UTP25: variants seen among roughly 807,000 people sequenced by gnomAD.
UTP25 encodes UTP25 small subunit processome component, also known as U3 small nucleolar RNA-associated protein 25 homolog.
A neutral mutation model predicts 78.9 loss-of-function variants in UTP25; 50 were observed. The ratio of observed to expected loss-of-function variants is 0.63; its 90% CI spans 0.50 to 0.80. The LOEUF (loss-of-function observed/expected upper bound fraction) is 0.80, where lower values mean the gene tolerates loss of function less well. Ranked by LOEUF, UTP25 falls within the 30% of genes least tolerant of loss-of-function variation. The pLI, the probability that UTP25 is intolerant of heterozygous loss-of-function variation, is 0.00. For missense variants in UTP25, 846 were observed against 911.3 expected, an observed-to-expected ratio of 0.93 and a Z score of 0.92; for synonymous variants, 329 against 336.5, an observed-to-expected ratio of 0.98 and a Z score of 0.24.
intron 11 of UTP25, 191 bp downstream of exon 11, chr1:209,843,887 TG>T (rs2078181455): frequency 4.3e-6 from 3 of 700,892 alleles, no homozygotes; most frequent in Non-Finnish European, 4.6e-6. Context: ...TCTCCCAAAA[TG>T]GGCATTGCTG....
Position 209,857,524 on chromosome 1 carries a change from G to T in UTP25, c.*6077G>T, listed in dbSNP as rs1315355775. ...ATAATAACCAACAATGTGTGTGTAT[G>T]TATATATATGCTTTTGCATTAAAAG... On this transcript the variant is annotated 3_prime_UTR_variant, in exon 12 of 12. Transcript: ENST00000491415. 1 of 152,114 alleles carries T rather than the reference G, an allele frequency of 6.6e-6. No homozygotes were observed. Among genetic ancestry groups the T allele is most frequent in the African/African-American group, 2.4e-5 (1 of 41,396 alleles). 9.4% of individuals were successfully genotyped at this position (152,114 alleles called of 1,614,324 possible).
chr1:209,853,684 A>G lies in UTP25; in HGVS notation c.*2237A>G, dbSNP rs1485186587. On this transcript the variant is annotated 3_prime_UTR_variant, in exon 12 of 12. Transcript: ENST00000491415. ...ATTACCTACATCTTTTTCTACTGCC[A>G]TATTCTTTTGCCTGTGAATTGTAGT... 6.6e-6 allele frequency: 1 copy of G among 152,134 alleles called. No individual in the cohort carries two copies. Among genetic ancestry groups the G allele is most frequent in the Non-Finnish European group, 1.5e-5 (1 of 68,040 alleles). The allele number at this position is 152,134 out of a possible 1,614,324, so 9.4% of individuals were successfully genotyped here. A position where few individuals can be genotyped will look rare whatever the true frequency, so the allele number is the denominator to read the frequency against.
intron 10 of UTP25, 44 bp downstream of exon 10, chr1:209,842,739 G>A (rs535114691): frequency 2.1e-6 from 3 of 1,452,046 alleles, no homozygotes; most frequent in African/African-American, 1.4e-5. Flanking sequence ...CACATAGAGA[G>A]ATTTGACTTG....
At chr1:209,830,700 T>A in intron 2 of UTP25, 103 bp from the exon 3 acceptor site, 1 of 1,468,572 alleles carries the variant, frequency 6.8e-7, no homozygotes, top group Non-Finnish European at 9.0e-7. Flanking sequence ...TTAAGTAAAT[T>A]TGAATTTGGG....
chr1:209,843,547 T>G lies in UTP25; in HGVS notation c.1878T>G (p.Arg626=). The G allele has an allele frequency of 6.2e-7, 1 of 1,614,198 alleles. No individual in the cohort carries two copies. Among genetic ancestry groups the G allele is most frequent in the Non-Finnish European group, 8.5e-7 (1 of 1,180,012 alleles). Residue 626 remains arginine, a synonymous_variant, in exon 11 of 12, where the codon CGT becomes CGG. Coordinates refer to ENST00000491415, the MANE Select transcript of UTP25 (RefSeq NM_014388.7). ...TCCCCTCCTACTTTGACTTCGTGCG[T>G]CTTCGAAATTACTTCAAGAAGGAGG... ...IYIPSYFDFV[R]LRNYFKKEEL...
intron 7 of UTP25, among the ~76,000 whole-genome samples, 172 bp downstream of exon 7, chr1:209,839,300 G>C (rs2102574507): frequency 6.6e-6 from 1 of 152,332 alleles, no homozygotes; most frequent in Middle Eastern, 3.4e-3. Flanking sequence ...CTTGGCTAAT[G>C]GGGTGGACAT....
Position 209,830,979 on chromosome 1 carries a change from A to G in UTP25, c.324A>G (p.Glu108=). The G allele has an allele frequency of 3.1e-6, 5 of 1,614,136 alleles. No homozygotes were observed. The highest frequency in any genetic ancestry group is 1.1e-5 in the South Asian group (1 of 91,078). The change falls in exon 3 of 12, where the codon GAA becomes GAG. Residue 108 remains glutamate (E), a synonymous_variant. Coordinates refer to ENST00000491415, the MANE Select transcript of UTP25 (RefSeq NM_014388.7). ...SIVDDAEMND[E]DGGSDVSVEE... ...TAGATGATGCAGAAATGAACGATGA[A>G]GATGGTGGTAGCGATGTCAGTGTGG... is the stretch of plus-strand genomic sequence containing the variant.
At chr1:209,837,360 T>TATTA in intron 6 of UTP25, 149 bp downstream of exon 6, 1 of 947,728 alleles carries the variant, frequency 1.1e-6, no homozygotes, top group African/African-American at 1.7e-5. Flanking sequence ...GTAGGCCAGG[T>TATTA]AGTGTCAGAG....
chr1:209,854,771 G>A lies in UTP25; in HGVS notation c.*3324G>A, dbSNP rs529831830. On this transcript the variant is annotated 3_prime_UTR_variant, in exon 12 of 12. Coordinates refer to ENST00000491415, the MANE Select transcript of UTP25 (RefSeq NM_014388.7). ...AAGAGCCTCATTGTCCAACTGCAGG[G>A]GCCTGAGGTGCCCAAAGCTTCGTGG... 2 of 152,378 alleles carry A rather than the reference G, an allele frequency of 1.3e-5. No individual in the cohort carries two copies. The highest frequency in any genetic ancestry group is 2.1e-4 in the South Asian group (1 of 4,826). The allele number at this position is 152,378 out of a possible 1,614,324, so 9.4% of individuals were successfully genotyped here.
At chr1:209,841,437 T>A (rs73093853) in intron 8 of UTP25, among the ~76,000 whole-genome samples, 2 of 152,148 alleles carry the variant, frequency 1.3e-5, no homozygotes, top group Non-Finnish European at 2.9e-5. Context: ...TTGCTTATGC[T>A]GTTTTGTTTG....
chr1:209,831,047 A>C lies in UTP25; in HGVS notation c.388+4A>C. 1.9e-6 allele frequency: 3 copies of C among 1,614,068 alleles called. No homozygotes were observed. Among genetic ancestry groups the C allele is most frequent in the Non-Finnish European group, 2.5e-6 (3 of 1,179,952 alleles). ...GAGTCTACTGAAAGTCCAGAGAGTAAGTGTCTTTACTATAGGCTCATCATC... is the reference window on the plus strand; with the variant it reads ...GAGTCTACTGAAAGTCCAGAGAGTACGTGTCTTTACTATAGGCTCATCATC... On this transcript the variant is annotated splice_donor_region_variant and intron_variant, in intron 3 of 11. Transcript: ENST00000491415.
At chr1:209,835,312 G>A in intron 5 of UTP25, 149 bp downstream of exon 5, 1 of 622,164 alleles carries the variant, frequency 1.6e-6, no homozygotes, top group Non-Finnish European at 2.8e-6. Context: ...GGCTAGAAGA[G>A]CCTAGTGGGG....
At chr1:209,832,969 T>C (rs112079846) in intron 3 of UTP25, among the ~76,000 whole-genome samples, 114 of 152,318 alleles carry the variant, frequency 7.5e-4, no homozygotes, top group African/African-American at 2.7e-3. Context: ...ATCTGGGCAC[T>C]GTGTCCCAGC....
intron 11 of UTP25, 113 bp downstream of exon 11, chr1:209,843,809 C>G: frequency 4.3e-6 from 6 of 1,382,338 alleles, no homozygotes; most frequent in Non-Finnish European, 5.9e-6. Context: ...CCCTCACTCT[C>G]GCACTCTTAC....
intron 10 of UTP25, 82 bp from the exon 11 acceptor site, chr1:209,843,369 A>C (rs887926460): frequency 1.3e-6 from 2 of 1,515,138 alleles, no homozygotes; most frequent in African/African-American, 2.8e-5. Context: ...ACGAGATTGT[A>C]ATTTGCTCAG....
At position 209,836,955 on chromosome 1, in the gene UTP25, A is replaced by C. The variant is rs774760706; in HGVS notation, c.806A>C (p.Gln269Pro). The C allele has an allele frequency of 6.2e-6, 10 of 1,614,130 alleles. No homozygotes were observed. Among genetic ancestry groups the C allele is most frequent in the South Asian group, 3.3e-5 (3 of 91,084 alleles). Residue 269 changes from glutamine (Q) to proline (P), a missense_variant, in exon 6 of 12, where the codon CAA (glutamine) becomes CCA (proline). By Grantham distance (76) the Gln-to-Pro change is moderately conservative. Transcript: ENST00000491415. Reference protein sequence around the residue: ...KTNSQFLSGPQKSSSPFTPLQ... With the variant: ...KTNSQFLSGPPKSSSPFTPLQ... ...AACAGCCAGTTCCTATCTGGTCCCC[A>C]AAAATCAAGCAGCCCATTCACCCCC...
At chr1:209,833,580 G>A (rs73093837) in intron 4 of UTP25, among the ~76,000 whole-genome samples, 3,659 of 152,286 alleles carry the variant, frequency 0.024, 158 homozygotes, top group African/African-American at 0.083. Flanking sequence ...GGTAGGGAAG[G>A]CCAGCTTCCC....
intron 3 of UTP25, among the ~76,000 whole-genome samples, chr1:209,831,651 T>C (rs1213766878): frequency 6.6e-6 from 1 of 152,208 alleles, no homozygotes; most frequent in Admixed American, 6.5e-5. Context: ...TTGACAAAGG[T>C]ATACATCCAA....
chr1:209,850,152 T>C (rs988859534), intron 11 of UTP25, among the ~76,000 whole-genome samples: 12 of 152,236 alleles, frequency 7.9e-5, no homozygotes, highest in African/African-American at 2.9e-4. Flanking sequence ...ATCTGACTTT[T>C]TCTTATTGGT....
Sources: gnomAD v4.1 joint callset for allele counts (sites outside exome capture counted in the v4.1 genomes callset) on GRCh38, gnomAD v4.1.1 for gene constraint, MANE v1.5 for transcripts, NCBI Gene and HGNC (gene_info 2026-07-23, HGNC 2026-07-21) for gene names.